ARHGAP42: variants seen among roughly 807,000 people sequenced by gnomAD.
The protein encoded by ARHGAP42 is Rho GTPase activating protein 42.
A neutral mutation model predicts 125.0 loss-of-function variants in ARHGAP42; 63 were observed. The observed-to-expected ratio is 0.50, with a 90% CI of 0.41 to 0.62. The LOEUF (loss-of-function observed/expected upper bound fraction) is 0.62, where lower values mean the gene tolerates loss of function less well. Among genes scored for constraint, ARHGAP42 ranks in the 20% least tolerant of loss-of-function variants. The pLI is 0.00. For synonymous variants in ARHGAP42, 339 were observed against 351.0 expected (o/e 0.97, Z 0.38); for missense variants, 766 against 1,024.2 (o/e 0.75, Z 3.44).
intron 1 of ARHGAP42, among the ~76,000 whole-genome samples, chr11:100,757,355 C>T (rs1862601802): frequency 6.6e-6 from 1 of 152,108 alleles, no homozygotes; most frequent in South Asian, 2.1e-4. Context: ...CCTTAGTTTC[C>T]TCATCTGTAA....
intron 1 of ARHGAP42, among the ~76,000 whole-genome samples, chr11:100,753,526 G>C (rs888695952): frequency 3.3e-5 from 5 of 152,224 alleles, no homozygotes; most frequent in Admixed American, 3.3e-4. Context: ...TTCTGGCCAA[G>C]GGAGTTTGTC....
intron 12 of ARHGAP42, among the ~76,000 whole-genome samples, chr11:100,957,220 A>C (rs966140602): frequency 6.6e-6 from 1 of 152,070 alleles, no homozygotes; most frequent in Non-Finnish European, 1.5e-5. Flanking sequence ...TGCCCCTCTC[A>C]TCTAATTAGA....
At chr11:100,935,330 A>G (rs915022817) in intron 7 of ARHGAP42, among the ~76,000 whole-genome samples, 5 of 152,132 alleles carry the variant, frequency 3.3e-5, no homozygotes, top group African/African-American at 1.2e-4. Context: ...GAACTTGGAA[A>G]CCTATTGATT....
At chr11:100,744,305 TC>T (rs1205446192) in intron 1 of ARHGAP42, among the ~76,000 whole-genome samples, 9 of 152,248 alleles carry the variant, frequency 5.9e-5, no homozygotes, top group Admixed American at 5.2e-4. Flanking sequence ...TCTGATTTCT[TC>T]ATGTTGGTTC....
intron 3 of ARHGAP42, among the ~76,000 whole-genome samples, chr11:100,827,357 A>C (rs1032274466): frequency 6.6e-6 from 1 of 152,078 alleles, no homozygotes; most frequent in Non-Finnish European, 1.5e-5. Flanking sequence ...CACTTGGAAA[A>C]CACCATGTGA....
intron 1 of ARHGAP42, among the ~76,000 whole-genome samples, chr11:100,753,647 A>G (rs1862509139): frequency 6.6e-6 from 1 of 152,146 alleles, no homozygotes; most frequent in Non-Finnish European, 1.5e-5. Flanking sequence ...TAGAATCAGG[A>G]ATGGTTTCCC....
intron 3 of ARHGAP42, among the ~76,000 whole-genome samples, chr11:100,800,415 G>A (rs1863822751): frequency 6.6e-6 from 1 of 152,102 alleles, no homozygotes; most frequent in African/African-American, 2.4e-5. Context: ...ATAGTGATGA[G>A]ATTAGGATGT....
chr11:100,798,317 C>T (rs1863768912), intron 3 of ARHGAP42, among the ~76,000 whole-genome samples: 1 of 152,166 alleles, frequency 6.6e-6, no homozygotes, highest in South Asian at 2.1e-4. Context: ...ATTCATGCTA[C>T]AGAGAAATTT....
intron 3 of ARHGAP42, among the ~76,000 whole-genome samples, chr11:100,823,405 A>G (rs1403962570): frequency 1.3e-5 from 2 of 152,122 alleles, no homozygotes; most frequent in Non-Finnish European, 2.9e-5. Flanking sequence ...GGGTTATTTC[A>G]GAGCTTTTTC....
At chr11:100,746,232 TAA>T (rs1429020738) in intron 1 of ARHGAP42, among the ~76,000 whole-genome samples, 1 of 152,250 alleles carries the variant, frequency 6.6e-6, no homozygotes, top group Admixed American at 6.5e-5. Context: ...CAAGGAACGC[TAA>T]GTTTCCTTCT....
intron 3 of ARHGAP42, among the ~76,000 whole-genome samples, chr11:100,805,718 T>C (rs1165900493): frequency 3.3e-5 from 5 of 152,184 alleles, no homozygotes; most frequent in African/African-American, 9.7e-5. Flanking sequence ...GAACTGAAGG[T>C]CCCTTCCCTT....
At chr11:100,710,756 G>A (rs1565537184) in intron 1 of ARHGAP42, among the ~76,000 whole-genome samples, 3 of 152,014 alleles carry the variant, frequency 2.0e-5, no homozygotes, top group African/African-American at 4.8e-5. Flanking sequence ...GGCCAGGATG[G>A]TCTTGATCTC....
chr11:100,733,517 T>C (rs1203676787), intron 1 of ARHGAP42, among the ~76,000 whole-genome samples: 1 of 152,136 alleles, frequency 6.6e-6, no homozygotes, highest in Non-Finnish European at 1.5e-5. Flanking sequence ...TAGCTCTCTT[T>C]GTATATTTAA....
intron 11 of ARHGAP42, 35 bp from the exon 12 acceptor site, chr11:100,949,882 C>T: frequency 7.2e-7 from 1 of 1,383,438 alleles, no homozygotes; most frequent in South Asian, 1.4e-5. Context: ...GGGTCATTAA[C>T]TGGAAGTAAC....
intron 3 of ARHGAP42, among the ~76,000 whole-genome samples, chr11:100,845,415 G>A (rs1865041568): frequency 6.6e-6 from 1 of 152,060 alleles, no homozygotes; most frequent in Non-Finnish European, 1.5e-5. Context: ...CTGCTTGGGT[G>A]ATGGATGCAC....
At chr11:100,803,966 T>C (rs1863926918) in intron 3 of ARHGAP42, among the ~76,000 whole-genome samples, 1 of 152,126 alleles carries the variant, frequency 6.6e-6, no homozygotes. Context: ...CCTGTGTAAG[T>C]TACAAATTTT....
At chr11:100,692,517 A>G (rs549369662) in intron 1 of ARHGAP42, among the ~76,000 whole-genome samples, 28 of 152,206 alleles carry the variant, frequency 1.8e-4, no homozygotes, top group African/African-American at 6.3e-4. Context: ...CCCAGTTGCA[A>G]CCTGCAGTTC....
chr11:100,833,338 A>C (rs931195763), intron 3 of ARHGAP42, among the ~76,000 whole-genome samples: 1 of 152,238 alleles, frequency 6.6e-6, no homozygotes, highest in African/African-American at 2.4e-5. Flanking sequence ...GAAGAAATAC[A>C]TAAGATAGTA....
At chr11:100,969,322 T>C (rs1858178898) in intron 17 of ARHGAP42, among the ~76,000 whole-genome samples, 1 of 152,182 alleles carries the variant, frequency 6.6e-6, no homozygotes, top group African/African-American at 2.4e-5. Flanking sequence ...TACTGTGATG[T>C]GTCTTGCTGT....
Sources: allele counts gnomAD v4.1 joint callset (sites outside exome capture counted in the v4.1 genomes callset), GRCh38; gene constraint gnomAD v4.1.1; transcripts MANE v1.5; gene names NCBI Gene and HGNC (gene_info 2026-07-23, HGNC 2026-07-21).